KIAA0825: variants seen among roughly 807,000 people sequenced by gnomAD.
KIAA0825 encodes KIAA0825.
KIAA0825 carries 119 observed loss-of-function variants against 147.6 expected under a neutral mutation model. The ratio of observed to expected loss-of-function variants is 0.81; its 90% CI spans 0.69 to 0.94. KIAA0825 has a LOEUF of 0.94. KIAA0825 is among the 40% of genes least tolerant of loss of function. The pLI, the probability that KIAA0825 is intolerant of heterozygous loss-of-function variation, is 0.00. For missense variants in KIAA0825, 1,381 were observed against 1,472.7 expected (o/e 0.94, Z 1.02); for synonymous variants, 470 against 518.1 (o/e 0.91, Z 1.26).
At chr5:94,178,673 G>A (rs1315836549) in intron 20 of KIAA0825, among the ~76,000 whole-genome samples, 1 of 151,874 alleles carries the variant, frequency 6.6e-6, no homozygotes, top group Admixed American at 6.6e-5. Flanking sequence ...AAATTCTTAG[G>A]CTACCAATTT....
Position 94,152,821 on chromosome 5 carries a change from GAAAA to G in KIAA0825, c.*1182_*1185del, listed in dbSNP as rs1179311015. ...CAGAGCAAGACCCTGTTTCTAAAAT[GAAAA>G]AAAAAAAAAAAAAAAAAAAAAAAAA... On this transcript the variant is annotated 3_prime_UTR_variant, in exon 21 of 21. Coordinates refer to ENST00000682413, the MANE Select transcript of KIAA0825 (RefSeq NM_001145678.3). 23 of 2,000 alleles carry G rather than the reference GAAAA, an allele frequency of 0.011. 1 individual carries two copies. The highest frequency in any genetic ancestry group is 0.11 in the East Asian group (11 of 96). 0.1% of individuals were successfully genotyped at this position (2,000 alleles called of 1,614,324 possible). A position where few individuals can be genotyped will look rare whatever the true frequency, so the allele number is the denominator to read the frequency against.
intron 5 of KIAA0825, among the ~76,000 whole-genome samples, chr5:94,509,030 T>C (rs1300449682): frequency 2.6e-5 from 4 of 152,222 alleles, no homozygotes; most frequent in Non-Finnish European, 5.9e-5. Context: ...GTGACATAGC[T>C]CTGTCTTATC....
At chr5:94,163,102 A>G (rs1208654161) in intron 20 of KIAA0825, among the ~76,000 whole-genome samples, 2 of 152,200 alleles carry the variant, frequency 1.3e-5, no homozygotes, top group Non-Finnish European at 2.9e-5. Flanking sequence ...AACTTCCTGC[A>G]AGTTCATTTA....
chr5:94,281,407 C>T (rs1407944972), intron 20 of KIAA0825, among the ~76,000 whole-genome samples: 3 of 152,132 alleles, frequency 2.0e-5, no homozygotes, highest in Admixed American at 6.6e-5. Flanking sequence ...GTTGGCCACA[C>T]ATTAAAACCA....
At chr5:94,275,755 G>C (rs1235211473) in intron 20 of KIAA0825, among the ~76,000 whole-genome samples, 4 of 152,036 alleles carry the variant, frequency 2.6e-5, no homozygotes, top group African/African-American at 9.7e-5. Flanking sequence ...CCCTCAGGTA[G>C]TCCTTTGAGG....
At chr5:94,284,319 T>G (rs1777578506) in intron 20 of KIAA0825, among the ~76,000 whole-genome samples, 1 of 152,234 alleles carries the variant, frequency 6.6e-6, no homozygotes, top group African/African-American at 2.4e-5. Flanking sequence ...GTGGTATTCT[T>G]GAGGAAGTCC....
chr5:94,306,743 G>C (rs1368433432), intron 20 of KIAA0825, among the ~76,000 whole-genome samples: 2 of 151,714 alleles, frequency 1.3e-5, no homozygotes, highest in African/African-American at 4.8e-5. Context: ...ACAATACCGA[G>C]CAATACTGAT....
intron 20 of KIAA0825, among the ~76,000 whole-genome samples, chr5:94,165,891 G>GTTAATGGGTACAAAAAC (rs1416929014): frequency 6.6e-6 from 1 of 152,186 alleles, no homozygotes; most frequent in African/African-American, 2.4e-5. Context: ...GGTGGGTATA[G>GTTAATGGGTACAAAAAC]TTAATGGGTA....
At chr5:94,188,489 G>C (rs747595027) in intron 20 of KIAA0825, among the ~76,000 whole-genome samples, 52 of 152,046 alleles carry the variant, frequency 3.4e-4, no homozygotes, top group Non-Finnish European at 3.2e-4. Context: ...TGTCATTATA[G>C]TTTTGCTTTT....
chr5:94,574,599 C>T (rs1780655798), intron 2 of KIAA0825, among the ~76,000 whole-genome samples: 2 of 147,808 alleles, frequency 1.4e-5, no homozygotes, highest in African/African-American at 5.0e-5. Flanking sequence ...AAGTCCCAGA[C>T]ATTAACTTTA....
At chr5:94,192,068 G>A (rs192463901) in intron 20 of KIAA0825, among the ~76,000 whole-genome samples, 72 of 152,340 alleles carry the variant, frequency 4.7e-4, no homozygotes, top group African/African-American at 1.6e-3. Context: ...CAGAGAAAGC[G>A]AACTAGGCGT....
rs1179101210 is a variant in KIAA0825, at chr5:94,520,853, G to A, written c.365C>T (p.Ser122Phe). Residue 122 changes from serine to phenylalanine, a missense_variant, in exon 5 of 21, where the codon TCC becomes TTC. By Grantham distance (155) the Ser-to-Phe change is radical (BLOSUM62 -2). Transcript: ENST00000682413. ...TGGGAATGAAACGCTGCTGTGGCAGGAGAGGTCCCAAAGTAAATCCAATGT... is the reference window on the plus strand; with the variant it reads ...TGGGAATGAAACGCTGCTGTGGCAGAAGAGGTCCCAAAGTAAATCCAATGT... Reference protein sequence around the residue: ...EMTLDLLWDLSCHSSVSFPST... With the variant: ...EMTLDLLWDLFCHSSVSFPST... 1.2e-6 allele frequency: 2 copies of A among 1,612,278 alleles called. No individual in the cohort carries two copies. Among genetic ancestry groups the A allele is most frequent in the East Asian group, 2.2e-5 (1 of 44,854 alleles).
chr5:94,164,708 G>A (rs1260204643), intron 20 of KIAA0825, among the ~76,000 whole-genome samples: 1 of 151,990 alleles, frequency 6.6e-6, no homozygotes, highest in Non-Finnish European at 1.5e-5. Flanking sequence ...ACACGTGCCC[G>A]GCCTTAGTGA....
chr5:94,219,302 C>G (rs1382442243), intron 20 of KIAA0825, among the ~76,000 whole-genome samples: 4 of 152,008 alleles, frequency 2.6e-5, no homozygotes, highest in Non-Finnish European at 4.4e-5. Flanking sequence ...GTTCACGTTC[C>G]TATGATAATC....
At chr5:94,558,923 C>G (rs1313965361) in intron 2 of KIAA0825, among the ~76,000 whole-genome samples, 1 of 152,156 alleles carries the variant, frequency 6.6e-6, no homozygotes, top group Non-Finnish European at 1.5e-5. Flanking sequence ...TAAATTCCAC[C>G]AATTTATTAT....
chr5:94,157,425 G>T (rs1417168661), intron 20 of KIAA0825, among the ~76,000 whole-genome samples: 1 of 152,008 alleles, frequency 6.6e-6, no homozygotes, highest in Non-Finnish European at 1.5e-5. Context: ...GTTAGATATG[G>T]GTCCCTTTTC....
At position 94,152,185 on chromosome 5, in the gene KIAA0825, A is replaced by G. The variant is rs1027780882; in HGVS notation, c.*1822T>C. Among the ~76,000 whole-genome samples, 1 of 152,186 alleles carries G rather than the reference A, an allele frequency of 6.6e-6. No homozygotes were observed. The highest frequency in any genetic ancestry group is 6.5e-5 in the Admixed American group (1 of 15,280). On this transcript the variant is annotated 3_prime_UTR_variant, in exon 21 of 21. Transcript: ENST00000682413. Reference sequence around the variant, plus strand: ...CATTTATGTATTTTTATTTAAAGAAAAAATGTAAGAGATTTCCTAATGTGG... The same window carrying G: ...CATTTATGTATTTTTATTTAAAGAAGAAATGTAAGAGATTTCCTAATGTGG...
At chr5:94,400,129 G>A (rs1046856013) in intron 16 of KIAA0825, among the ~76,000 whole-genome samples, 3 of 152,068 alleles carry the variant, frequency 2.0e-5, no homozygotes, top group Non-Finnish European at 4.4e-5. Context: ...ATTTTTCAGT[G>A]TTAACTACCG....
rs867233498 is a variant in KIAA0825, at chr5:94,327,662, A to G, written c.3710+56706T>C. On this transcript the variant is annotated intron_variant, in intron 20 of 20. Transcript: ENST00000682413. ...TTTTCAAATATTTGCCTGAAAACCT[A>G]TATTATTTTGGGTATAAACTAATAC... Among the ~76,000 whole-genome samples the G allele has an allele frequency of 2.6e-5, 4 of 152,282 alleles. 1 individual carries two copies. The highest frequency in any genetic ancestry group is 2.1e-4 in the South Asian group (1 of 4,826).
Sources: allele counts gnomAD v4.1 joint callset (sites outside exome capture counted in the v4.1 genomes callset), GRCh38; gene constraint gnomAD v4.1.1; transcripts MANE v1.5; gene names NCBI Gene and HGNC (gene_info 2026-07-23, HGNC 2026-07-21).